Variants in TBCK observed in about 807,000 individuals in gnomAD.
The protein encoded by TBCK is TBC domain-containing protein kinase-like protein.
Under a neutral mutation model 113.4 loss-of-function variants are expected in TBCK, and 99 were observed. That is an observed-to-expected ratio of 0.87 (90% CI 0.74 to 1.03). The LOEUF is 1.03. Ranked by LOEUF, TBCK falls within the 50% of genes least tolerant of loss-of-function variation. TBCK has a pLI of 0.00. For missense variants in TBCK, 1,045 were observed against 1,061.3 expected (o/e 0.98, Z 0.21); for synonymous variants, 369 against 370.8 (o/e 1.00, Z 0.05).
At chr4:106,063,017 T>C (rs1736223972) in intron 25 of TBCK, among the ~76,000 whole-genome samples, 1 of 151,976 alleles carries the variant, frequency 6.6e-6, no homozygotes, top group Admixed American at 6.6e-5. Flanking sequence ...GAGTTTTTAG[T>C]TCATGAGTCT....
At chr4:106,241,216 T>C (rs1010784656) in intron 12 of TBCK, among the ~76,000 whole-genome samples, 1 of 151,858 alleles carries the variant, frequency 6.6e-6, no homozygotes, top group African/African-American at 2.4e-5. Context: ...ATAACTGATA[T>C]ACAGACATTA....
At chr4:106,216,426 G>T (rs1227536245) in intron 19 of TBCK, among the ~76,000 whole-genome samples, 1 of 152,118 alleles carries the variant, frequency 6.6e-6, no homozygotes, top group African/African-American at 2.4e-5. Context: ...CTGAATCCAG[G>T]AGCTGGTTTT....
intron 24 of TBCK, among the ~76,000 whole-genome samples, chr4:106,110,905 G>T (rs74516403): frequency 6.6e-6 from 1 of 151,928 alleles, no homozygotes; most frequent in South Asian, 2.1e-4. Flanking sequence ...GCTGTCTTAC[G>T]CAAGCAGCAT....
chr4:106,294,727 C>A (rs1425919236), intron 3 of TBCK, among the ~76,000 whole-genome samples: 1 of 151,860 alleles, frequency 6.6e-6, no homozygotes, highest in Non-Finnish European at 1.5e-5. Context: ...GTGATCCGCC[C>A]GCCTCGGCCT....
At chr4:106,268,854 G>T (rs1397358709) in intron 3 of TBCK, among the ~76,000 whole-genome samples, 1 of 152,072 alleles carries the variant, frequency 6.6e-6, no homozygotes, top group Non-Finnish European at 1.5e-5. Flanking sequence ...GAGAATGAGA[G>T]GTCAAGGTTG....
rs146958166 is a variant in TBCK at position 106,230,262 on chromosome 4, G to C, written c.1774+101C>G. ...GGATTTTATTGGATGGACCATCATC[G>C]TATTTTTGGGGTCAAAATCTTAAAT... On this transcript the variant is annotated intron_variant, in intron 19 of 25. Transcript: ENST00000394708. The C allele has an allele frequency of 4.4e-5, 27 of 607,980 alleles. No homozygotes were observed. In the Admixed American group the frequency reaches 7.5e-4, roughly 17 times the overall value. The allele number at this position is 607,980 out of a possible 1,614,324, so 37.7% of individuals were successfully genotyped here. A position where few individuals can be genotyped will look rare whatever the true frequency, so the allele number is the denominator to read the frequency against.
intron 22 of TBCK, among the ~76,000 whole-genome samples, chr4:106,181,365 T>G (rs1415195515): frequency 6.6e-6 from 1 of 152,186 alleles, no homozygotes; most frequent in Non-Finnish European, 1.5e-5. Context: ...AGAAGCTCTT[T>G]AGTTTAATTA....
chr4:106,078,343 C>A (rs1396181670), intron 25 of TBCK, among the ~76,000 whole-genome samples: 1 of 152,008 alleles, frequency 6.6e-6, no homozygotes, highest in Non-Finnish European at 1.5e-5. Flanking sequence ...TCAATGCCCC[C>A]AAAAGTTGGT....
intron 23 of TBCK, among the ~76,000 whole-genome samples, chr4:106,141,090 AAAC>A (rs1352308184): frequency 7.1e-6 from 1 of 140,772 alleles, no homozygotes; most frequent in East Asian, 2.0e-4. Flanking sequence ...AAAGACAGCA[AAAC>A]AATAGAAACA....
chr4:106,050,634 C>T (rs934597284), intron 25 of TBCK, among the ~76,000 whole-genome samples: 3 of 151,992 alleles, frequency 2.0e-5, no homozygotes, highest in Admixed American at 1.3e-4. Flanking sequence ...ATATTCTCAA[C>T]TGATTAATAA....
At chr4:106,157,545 T>C (rs1034412109) in intron 23 of TBCK, among the ~76,000 whole-genome samples, 1 of 152,152 alleles carries the variant, frequency 6.6e-6, no homozygotes, top group African/African-American at 2.4e-5. Flanking sequence ...AATTCCCCTC[T>C]GGCTAGAGTT....
intron 2 of TBCK, among the ~76,000 whole-genome samples, chr4:106,307,964 A>C (rs887226462): frequency 2.7e-5 from 4 of 150,318 alleles, no homozygotes; most frequent in Non-Finnish European, 4.4e-5. Flanking sequence ...ATGGAGTTTA[A>C]AAAAAAAAAT....
At position 106,043,168 on chromosome 4, in the gene TBCK, C is replaced by T. The variant is rs1373840471; in HGVS notation, c.*3402G>A. On this transcript the variant is annotated 3_prime_UTR_variant, in exon 26 of 26. Transcript: ENST00000394708. ...CTTCTTTCTTTCAAACTTGGTTAAG[C>T]ATTAGTTATTTTTAATATGCTTTTT... is the stretch of plus-strand genomic sequence containing the variant. The T allele has an allele frequency of 6.6e-6, 1 of 152,048 alleles. No individual in the cohort carries two copies. Among genetic ancestry groups the T allele is most frequent in the Non-Finnish European group, 1.5e-5 (1 of 68,012 alleles). The allele number at this position is 152,048 out of a possible 1,614,324, so 9.4% of individuals were successfully genotyped here.
intron 25 of TBCK, among the ~76,000 whole-genome samples, chr4:106,065,447 C>T (rs573076099): frequency 6.6e-5 from 10 of 151,972 alleles, no homozygotes; most frequent in East Asian, 1.9e-4. Flanking sequence ...GAGACTTTGC[C>T]GTGTTTTTCA....
Position 106,122,591 on chromosome 4 carries a change from A to C in TBCK, c.2236-6213T>G, listed in dbSNP as rs551834253. Among the ~76,000 whole-genome samples, 3 of 152,374 alleles carry C rather than the reference A, an allele frequency of 2.0e-5. No homozygotes were observed. The East Asian group carries it at 5.8e-4, about 29-fold the overall frequency. On this transcript the variant is annotated intron_variant, in intron 23 of 25. Coordinates refer to ENST00000394708, the MANE Select transcript of TBCK (RefSeq NM_001163435.3). ...CAGCAAAAAAAGCGAATTTTAGACC[A>C]ACATCCCTGATGAACATTGATGCAA...
chr4:106,173,961 C>G (rs1019885173), intron 22 of TBCK, among the ~76,000 whole-genome samples: 3 of 152,052 alleles, frequency 2.0e-5, no homozygotes, highest in African/African-American at 7.2e-5. Flanking sequence ...TTTTGCAACT[C>G]TGGGTAAAAT....
chr4:106,185,609 G>C (rs1170909528), intron 22 of TBCK, among the ~76,000 whole-genome samples: 2 of 152,088 alleles, frequency 1.3e-5, no homozygotes, highest in African/African-American at 4.8e-5. Flanking sequence ...ATTCCATGAT[G>C]ATTCTAGAAC....
At chr4:106,232,762 A>C (rs1275355889) in intron 17 of TBCK, among the ~76,000 whole-genome samples, 176 bp downstream of exon 17, 5 of 152,040 alleles carry the variant, frequency 3.3e-5, no homozygotes, top group African/African-American at 9.7e-5. Context: ...ATCTACTAGG[A>C]TTTAGACAAA....
chr4:106,289,679 A>C (rs1765475801), intron 3 of TBCK, among the ~76,000 whole-genome samples: 1 of 151,736 alleles, frequency 6.6e-6, no homozygotes, highest in South Asian at 2.1e-4. Flanking sequence ...GAGACAGAAG[A>C]ATCACTTGAA....
Sources: gnomAD v4.1 joint callset for allele counts (sites outside exome capture counted in the v4.1 genomes callset) on GRCh38, gnomAD v4.1.1 for gene constraint, MANE v1.5 for transcripts, NCBI Gene and HGNC (gene_info 2026-07-23, HGNC 2026-07-21) for gene names.